NRL: variants seen among roughly 807,000 people sequenced by gnomAD.
NRL encodes neural retina leucine zipper.
Under a neutral mutation model 12.5 loss-of-function variants are expected in NRL, and 16 were observed. The ratio of observed to expected loss-of-function variants is 1.28; its 90% confidence interval spans 0.87 to 1.95. The LOEUF is 1.95. NRL is among the 30% of genes most tolerant of loss of function. NRL has a pLI of 0.00. For missense variants in NRL, 314 were observed against 325.8 expected (o/e 0.96, Z 0.28); for synonymous variants, 142 against 150.9 (o/e 0.94, Z 0.43).
intron 1 of NRL, chr14:24,099,937 G>A: frequency 1.2e-6 from 2 of 1,613,904 alleles, no homozygotes; most frequent in Non-Finnish European, 1.7e-6. Context: ...ACCTTCTTTG[G>A]TCTTACATCT....
chr14:24,084,595 T>G (rs2036419593), intron 1 of NRL: 1 of 985,456 alleles, frequency 1.0e-6, no homozygotes, highest in Non-Finnish European at 1.2e-6. Flanking sequence ...GAAGGCTCCA[T>G]GGAGCAGGGC....
At position 24,094,368 on chromosome 14, in the gene NRL, T is replaced by G; in HGVS notation, c.-27-11493A>C. ...GCCTTCCATACCTCCCCGGCTCCGC[T>G]CGGTTCCTGGCCACCCCGCAGCCCC... On this transcript the variant is annotated intron_variant, in intron 1 of 2. Coordinates refer to ENST00000561028, the MANE Select transcript of NRL (RefSeq NM_001354768.3). This position sits in a 1 kb window ranked among gnomAD's most constrained non-coding sequence, Gnocchi z 4.1. 6.5e-7 allele frequency: 1 copy of G among 1,533,410 alleles called. No homozygotes were observed. The highest frequency in any genetic ancestry group is 2.5e-5 in the East Asian group (1 of 39,770). The allele number at this position is 1,533,410 out of a possible 1,614,324, so 95.0% of individuals were successfully genotyped here.
intron 1 of NRL, chr14:24,102,627 C>T: frequency 1.3e-6 from 1 of 755,558 alleles, no homozygotes; most frequent in Admixed American, 2.4e-5. Flanking sequence ...CCTTATCACA[C>T]AAGGTTCTAG....
At chr14:24,087,846 A>C (rs763435499) in intron 1 of NRL, among the ~76,000 whole-genome samples, 19 of 152,128 alleles carry the variant, frequency 1.2e-4, no homozygotes, top group Admixed American at 3.9e-4. Context: ...GAAGGCCAAG[A>C]TGGGTGGATC....
chr14:24,102,723 A>G (rs751218676), intron 1 of NRL: 1 of 1,603,308 alleles, frequency 6.2e-7, no homozygotes, highest in South Asian at 1.1e-5. Context: ...ATGACCTTGG[A>G]AATAATAGTG....
intron 1 of NRL, among the ~76,000 whole-genome samples, chr14:24,110,776 C>T (rs1461254690): frequency 1.3e-5 from 2 of 152,198 alleles, no homozygotes; most frequent in Non-Finnish European, 2.9e-5. Flanking sequence ...AGCAGTATTA[C>T]TGGGTCAAAG....
chr14:24,114,695 A>C (rs2037496127), intron 1 of NRL, 27 bp downstream of exon 1: 1 of 985,942 alleles, frequency 1.0e-6, no homozygotes, highest in Non-Finnish European at 1.2e-6. Flanking sequence ...TCCTCCCCTC[A>C]GGCACCTCGC....
chr14:24,099,364 C>G, intron 1 of NRL: 1 of 1,069,228 alleles, frequency 9.4e-7, no homozygotes, highest in East Asian at 2.6e-5. Flanking sequence ...TACTTGAAGG[C>G]CCAAAGCTTT....
chr14:24,108,087 C>G (rs1025078151), intron 1 of NRL, among the ~76,000 whole-genome samples: 6 of 152,168 alleles, frequency 3.9e-5, no homozygotes, highest in Admixed American at 2.0e-4. Context: ...ATACATACTC[C>G]TTGCTTCCCG....
At chr14:24,095,986 T>A (rs1344063880) in intron 1 of NRL, among the ~76,000 whole-genome samples, 1 of 152,174 alleles carries the variant, frequency 6.6e-6, no homozygotes, top group Non-Finnish European at 1.5e-5. Flanking sequence ...CTATTCTCTG[T>A]GCAAGAGCCC....
At chr14:24,082,386 C>A in intron 2 of NRL, 82 bp downstream of exon 2, 1 of 1,570,172 alleles carries the variant, frequency 6.4e-7, no homozygotes. Flanking sequence ...TCCATAACCC[C>A]CTCTGGGAGC....
At chr14:24,106,821 C>G (rs373961698) in intron 1 of NRL, among the ~76,000 whole-genome samples, 1 of 152,004 alleles carries the variant, frequency 6.6e-6, no homozygotes, top group South Asian at 2.1e-4. Context: ...AACTGAATAC[C>G]GTCAAAAGCA....
chr14:24,109,794 A>AT (rs1378807320), intron 1 of NRL, among the ~76,000 whole-genome samples: 13 of 152,244 alleles, frequency 8.5e-5, no homozygotes, highest in African/African-American at 2.9e-4. Context: ...GAAGGACTCA[A>AT]TTTTGTCATA....
intron 1 of NRL, chr14:24,096,851 CGAT>C: frequency 6.3e-7 from 1 of 1,584,442 alleles, no homozygotes; most frequent in Non-Finnish European, 8.6e-7. Context: ...TGTCCACTCT[CGAT>C]GACAGCAACT....
intron 1 of NRL, among the ~76,000 whole-genome samples, chr14:24,084,366 G>T (rs1334566682): frequency 6.6e-6 from 1 of 152,196 alleles, no homozygotes; most frequent in African/African-American, 2.4e-5. Context: ...TCTTTCTGAC[G>T]TGATAGCAGT....
rs541317046 is a variant in NRL, at chr14:24,100,221, C to T, written c.-28+14501G>A. The T allele has an allele frequency of 4.0e-5, 64 of 1,613,902 alleles. No homozygotes were observed. The highest frequency in any genetic ancestry group is 2.0e-4 in the South Asian group (18 of 91,042). On this transcript the variant is annotated intron_variant, in intron 1 of 2. Transcript: ENST00000561028. ...GCAAACCCTGGAAACCTGGTATGTG[C>T]GGTGGGGAAGGTGTGGCACAGCCTC...
In NRL at chr14:24,081,566, C is replaced by T; in HGVS notation, c.384G>A (p.Leu128=). The part of the protein sequence containing the change: ...PEETGAQHVQ[L]AERFSDAALV... ...GCGCCGCGTCGGAAAACCGCTCTGCCAGCTGCGGAGGGAGAATGCAGAAAC... is the reference window on the plus strand; with the variant it reads ...GCGCCGCGTCGGAAAACCGCTCTGCTAGCTGCGGAGGGAGAATGCAGAAAC... The change falls in exon 3 of 3, where the codon CTG becomes CTA. Residue 128 remains leucine (L), a splice_region_variant and synonymous_variant. Transcript: ENST00000561028. The surrounding 1 kb of genome is among the most constrained non-coding windows in gnomAD (Gnocchi z 4.4). 1 of 1,594,788 alleles carries T rather than the reference C, an allele frequency of 6.3e-7. No individual in the cohort carries two copies. Among genetic ancestry groups the T allele is most frequent in the Admixed American group, 1.7e-5 (1 of 57,204 alleles).
intron 2 of NRL, chr14:24,082,184 G>T: frequency 3.5e-6 from 2 of 565,062 alleles, no homozygotes; most frequent in Non-Finnish European, 4.5e-6. Context: ...ACCCCCCGGA[G>T]TCGCCCACTC....
Position 24,103,650 on chromosome 14 carries a change from C to T in NRL, c.-28+11072G>A, listed in dbSNP as rs757079266. 59 of 1,614,024 alleles carry T rather than the reference C, an allele frequency of 3.7e-5. No individual in the cohort carries two copies. Among genetic ancestry groups the T allele is most frequent in the Non-Finnish European group, 1.4e-5 (16 of 1,180,000 alleles). ...TATCTTCCATGTCAACTGGTTCCGG[C>T]GTGACGAGGCAGGGCACTTCCTGTG... On this transcript the variant is annotated intron_variant, in intron 1 of 2. Transcript: ENST00000561028.
Sources: allele counts gnomAD v4.1 joint callset (sites outside exome capture counted in the v4.1 genomes callset), GRCh38; gene constraint gnomAD v4.1.1; non-coding constraint Gnocchi (gnomAD v3.1); transcripts MANE v1.5; gene names NCBI Gene and HGNC (gene_info 2026-07-23, HGNC 2026-07-21).